The following CDK8 variants were observed in gnomAD, a reference collection of about 807,000 sequenced individuals.
CDK8 encodes cyclin dependent kinase 8, also known as cyclin-dependent kinase 8.
A neutral mutation model predicts 71.5 loss-of-function variants in CDK8; 29 were observed. That is an observed-to-expected ratio of 0.41 (90% confidence interval 0.30 to 0.55). CDK8 has a LOEUF of 0.55. Among genes scored for constraint, CDK8 ranks in the 20% least tolerant of loss-of-function variants. CDK8 has a pLI of 0.37. For missense variants in CDK8, 288 were observed against 572.6 expected, an observed-to-expected ratio of 0.50 and a Z score of 5.07; for synonymous variants, 161 against 192.1, an observed-to-expected ratio of 0.84 and a Z score of 1.34.
At chr13:26,320,265 G>A (rs1874711820) in intron 1 of CDK8, among the ~76,000 whole-genome samples, 1 of 151,896 alleles carries the variant, frequency 6.6e-6, no homozygotes, top group Admixed American at 6.6e-5. Flanking sequence ...AAAAAAAAAG[G>A]CTGTGTGTGG....
Position 26,401,386 on chromosome 13 carries a change from G to T in CDK8, c.1110+39G>T. The T allele has an allele frequency of 6.2e-7, 1 of 1,611,038 alleles. No individual in the cohort carries two copies. Among genetic ancestry groups the T allele is most frequent in the Non-Finnish European group, 8.5e-7 (1 of 1,177,392 alleles). The stretch of plus-strand genomic sequence containing the variant: ...TACTGTTAGCAGCTTCTTGTTTCGT[G>T]AATGCCTCCATAACATTTTCCATTG... On this transcript the variant is annotated intron_variant, in intron 11 of 12. Coordinates refer to ENST00000381527, the MANE Select transcript of CDK8 (RefSeq NM_001260.3). The surrounding 1 kb of genome is among the most constrained non-coding windows in gnomAD (Gnocchi z 4.5).
Position 26,254,452 on chromosome 13 carries a change from G to A in CDK8, c.-190G>A. The A allele has an allele frequency of 2.2e-6, 1 of 451,006 alleles. No homozygotes were observed. The highest frequency in any genetic ancestry group is 4.0e-6 in the Non-Finnish European group (1 of 252,170). The allele number at this position is 451,006 out of a possible 1,614,324, so 27.9% of individuals were successfully genotyped here. ...ACCCCCGGCCGGCCTCTGCCCCGCCGTCCCCCTGGATGTCCCTGGCGCTTT... is the reference window on the plus strand; with the variant it reads ...ACCCCCGGCCGGCCTCTGCCCCGCCATCCCCCTGGATGTCCCTGGCGCTTT... On this transcript the variant is annotated 5_prime_UTR_variant, in exon 1 of 13. Coordinates refer to ENST00000381527, the MANE Select transcript of CDK8 (RefSeq NM_001260.3). The surrounding 1 kb of genome is among the most constrained non-coding windows in gnomAD (Gnocchi z 6.7).
chr13:26,361,620 T>A (rs2138011650), intron 4 of CDK8, among the ~76,000 whole-genome samples: 1 of 152,186 alleles, frequency 6.6e-6, no homozygotes, highest in South Asian at 2.1e-4. Flanking sequence ...GAAGTACAGT[T>A]TTTACTGAAT....
chr13:26,290,016 G>A (rs1371804614), intron 1 of CDK8, among the ~76,000 whole-genome samples: 1 of 151,962 alleles, frequency 6.6e-6, no homozygotes, highest in Non-Finnish European at 1.5e-5. Context: ...ACAAATATTT[G>A]ATGTAAAAAT....
rs971686048 is a variant in CDK8 at position 26,359,964 on chromosome 13, C to T, written c.456+6084C>T. Among the ~76,000 whole-genome samples, 10 of 152,176 alleles carry T rather than the reference C, an allele frequency of 6.6e-5. No homozygotes were observed. In the South Asian group the frequency reaches 1.2e-3, roughly 19 times the overall value. On this transcript the variant is annotated intron_variant, in intron 4 of 12. Transcript: ENST00000381527. ...CTCCTGACCTCAAGAGATCTGCCCA[C>T]CTCGACCTCCCAAAGTGCTGGGATT...
chr13:26,318,645 C>T (rs1022932015), intron 1 of CDK8, among the ~76,000 whole-genome samples: 16 of 152,166 alleles, frequency 1.1e-4, no homozygotes, highest in South Asian at 2.1e-4. Context: ...GAAATGCAAG[C>T]GTGGTTCAAC....
intron 1 of CDK8, among the ~76,000 whole-genome samples, chr13:26,323,322 AGAGAGGGAGAGAGAGAGG>A (rs1453317510): frequency 5.5e-5 from 6 of 108,940 alleles, no homozygotes; most frequent in African/African-American, 2.4e-4. Context: ...AGAGAGAGAG[AGAGAGGGAGAGAGAGAGG>A]GAGAGGGAGA....
In CDK8 at chr13:26,405,209, T is replaced by C. The variant is rs1040451464; in HGVS notation, c.*1128T>C. On this transcript the variant is annotated 3_prime_UTR_variant, in exon 13 of 13. Coordinates refer to ENST00000381527, the MANE Select transcript of CDK8 (RefSeq NM_001260.3). ...GAACATTGTTAAAAACAAGGTGTTA[T>C]GTAATAAATTTATTTTTCATAAATC... The C allele has an allele frequency of 1.2e-5, 2 of 171,818 alleles. No homozygotes were observed. The highest frequency in any genetic ancestry group is 4.7e-5 in the African/African-American group (2 of 42,138). 10.6% of individuals were successfully genotyped at this position (171,818 alleles called of 1,614,324 possible). A position where few individuals can be genotyped will look rare whatever the true frequency, so the allele number is the denominator to read the frequency against.
Position 26,369,407 on chromosome 13 carries a change from C to G in CDK8, c.457-13407C>G, listed in dbSNP as rs374895859. On this transcript the variant is annotated intron_variant, in intron 4 of 12. Transcript: ENST00000381527. ...GAAGTTGTGGTGAGCCAAGATCGCA[C>G]CACTGCACTCCAGCCGGGGTGACAG... Among the ~76,000 whole-genome samples, 26 of 143,258 alleles carry G rather than the reference C, an allele frequency of 1.8e-4. No individual in the cohort carries two copies. The East Asian group carries it at 4.4e-3, about 24-fold the overall frequency. The allele number at this position is 143,258 out of a possible 152,430, so 94.0% of individuals were successfully genotyped here.
At chr13:26,333,292 A>G (rs1872836900) in intron 1 of CDK8, among the ~76,000 whole-genome samples, 1 of 151,924 alleles carries the variant, frequency 6.6e-6, no homozygotes, top group South Asian at 2.1e-4. Context: ...GGTGTCCACT[A>G]CCACGCCCGG....
chr13:26,282,005 T>G (rs1872772076), intron 1 of CDK8, among the ~76,000 whole-genome samples: 2 of 150,956 alleles, frequency 1.3e-5, no homozygotes, highest in Non-Finnish European at 2.9e-5. Context: ...ATTAACCCAA[T>G]CAGACAAAGA....
At chr13:26,353,918 C>A in intron 4 of CDK8, 38 bp downstream of exon 4, 2 of 1,579,790 alleles carry the variant, frequency 1.3e-6, no homozygotes, top group Non-Finnish European at 1.7e-6. Flanking sequence ...TAGAAAGATG[C>A]ATTACAGTTG....
chr13:26,338,680 A>G (rs1873094216), intron 2 of CDK8, among the ~76,000 whole-genome samples: 1 of 152,084 alleles, frequency 6.6e-6, no homozygotes, highest in South Asian at 2.1e-4. Flanking sequence ...TACTTTTTTA[A>G]TACTTTTCAA....
At chr13:26,348,342 G>A (rs986689816) in intron 2 of CDK8, among the ~76,000 whole-genome samples, 6 of 152,126 alleles carry the variant, frequency 3.9e-5, no homozygotes, top group Non-Finnish European at 7.3e-5. Flanking sequence ...GAATTGGGCC[G>A]TACAGCAGGA....
intron 3 of CDK8, among the ~76,000 whole-genome samples, chr13:26,349,624 T>C (rs1873604002): frequency 6.6e-6 from 1 of 152,200 alleles, no homozygotes; most frequent in Non-Finnish European, 1.5e-5. Flanking sequence ...CTACCATTAT[T>C]TGTCGTATAG....
chr13:26,277,876 C>T (rs557255522), intron 1 of CDK8, among the ~76,000 whole-genome samples: 4 of 152,296 alleles, frequency 2.6e-5, no homozygotes, highest in South Asian at 4.1e-4. Flanking sequence ...AAGGGGGCAG[C>T]ATAAGCATAT....
intron 1 of CDK8, among the ~76,000 whole-genome samples, chr13:26,290,769 TC>T (rs1873255263): frequency 1.3e-5 from 2 of 151,976 alleles, no homozygotes; most frequent in Non-Finnish European, 2.9e-5. Context: ...GATCAGGCAA[TC>T]AAAATTTAGC....
At chr13:26,295,139 G>T (rs1461651406) in intron 1 of CDK8, among the ~76,000 whole-genome samples, 1 of 152,102 alleles carries the variant, frequency 6.6e-6, no homozygotes, top group South Asian at 2.1e-4. Flanking sequence ...CTTAAATATG[G>T]TGACTCTAGG....
intron 6 of CDK8, among the ~76,000 whole-genome samples, chr13:26,386,103 A>G (rs1321485338): frequency 6.6e-6 from 1 of 152,152 alleles, no homozygotes; most frequent in Non-Finnish European, 1.5e-5. Context: ...TTACCTCCCT[A>G]TTATAAAGAA....
Sources: gnomAD v4.1 joint callset for allele counts (sites outside exome capture counted in the v4.1 genomes callset) on GRCh38, gnomAD v4.1.1 for gene constraint, Gnocchi (gnomAD v3.1) non-coding constraint, MANE v1.5 for transcripts, NCBI Gene and HGNC (gene_info 2026-07-23, HGNC 2026-07-21) for gene names.